VPS13C: variants seen among roughly 807,000 people sequenced by gnomAD.
VPS13C encodes the protein intermembrane lipid transfer protein VPS13C.
A neutral mutation model predicts 456.8 loss-of-function variants in VPS13C; 358 were observed. The ratio of observed to expected loss-of-function variants is 0.78; its 90% CI spans 0.72 to 0.86. VPS13C has a LOEUF of 0.86. Ranked by LOEUF, VPS13C falls within the 40% of genes least tolerant of loss-of-function variation. VPS13C has a pLI of 0.00. For synonymous variants in VPS13C, 1,578 were observed against 1,486.7 expected, an observed-to-expected ratio of 1.06 and a Z score of -1.41; for missense variants, 4,818 against 4,385.4, an observed-to-expected ratio of 1.10 and a Z score of -2.79.
intron 68 of VPS13C, 36 bp from the exon 69 acceptor site, chr15:61,882,772 T>C (rs768919426): frequency 2.6e-6 from 4 of 1,537,212 alleles, no homozygotes; most frequent in Non-Finnish European, 3.5e-6. Flanking sequence ...GATGAGCTGA[T>C]ATTAGCACAG....
At chr15:61,871,945 C>A in intron 79 of VPS13C, 44 bp downstream of exon 79, 1 of 1,548,802 alleles carries the variant, frequency 6.5e-7, no homozygotes, top group Non-Finnish European at 8.9e-7. Flanking sequence ...CTAATAGCAT[C>A]AAGTCTTCAG....
Position 62,028,377 on chromosome 15 carries a change from A to C in VPS13C, c.429T>G (p.Val143=), listed in dbSNP as rs1210610175. The C allele has an allele frequency of 6.2e-7, 1 of 1,612,944 alleles. No individual in the cohort carries two copies. Among genetic ancestry groups the C allele is most frequent in the Non-Finnish European group, 8.5e-7 (1 of 1,179,302 alleles). Residue 143 remains valine (V), a synonymous_variant, in exon 6 of 85, where the codon GTT becomes GTG. Transcript: ENST00000644861. ...ACCCACCAGGCTTGATGTCCTTGTAAACAAAGTTCTCCAAGCCATATATGA... is the reference window on the plus strand; with the variant it reads ...ACCCACCAGGCTTGATGTCCTTGTACACAAAGTTCTCCAAGCCATATATGA... ...GEFIYGLENF[V]YKDIKPGRKR... is the part of the protein sequence containing the mutation.
In VPS13C at chr15:61,909,136, A is replaced by T. The variant is rs77226264; in HGVS notation, c.8845-11T>A. On this transcript the variant is annotated splice_polypyrimidine_tract_variant and intron_variant, in intron 64 of 84. Coordinates refer to ENST00000644861, the MANE Select transcript of VPS13C (RefSeq NM_020821.3). ...CAAGATACCCCCATTCTATTGTAGA[A>T]AAAAAAAAAGTATGTTTGATGTACT... is the stretch of plus-strand genomic sequence containing the variant. 6.4e-6 allele frequency: 9 copies of T among 1,407,924 alleles called. No individual in the cohort carries two copies. Among genetic ancestry groups the T allele is most frequent in the Non-Finnish European group, 8.6e-6 (9 of 1,050,248 alleles). 87.2% of individuals were successfully genotyped at this position (1,407,924 alleles called of 1,614,324 possible).
At chr15:61,935,336 C>G (rs893921481) in intron 48 of VPS13C, 2 of 152,292 alleles carry the variant, frequency 1.3e-5, no homozygotes, top group Admixed American at 1.3e-4. Flanking sequence ...ATAGAACAGT[C>G]TGTTTTTACA....
At chr15:61,934,538 G>A (rs1567021258) in intron 48 of VPS13C, among the ~76,000 whole-genome samples, 1 of 152,010 alleles carries the variant, frequency 6.6e-6, no homozygotes, top group Non-Finnish European at 1.5e-5. Context: ...TAGCATATAT[G>A]TGCAAAGAGG....
At chr15:61,955,746 A>C (rs185039046) in intron 37 of VPS13C, among the ~76,000 whole-genome samples, 5 of 152,318 alleles carry the variant, frequency 3.3e-5, no homozygotes. Context: ...GAAATTAACA[A>C]ATTTTATTCA....
intron 81 of VPS13C, chr15:61,866,753 G>T: frequency 1.0e-6 from 1 of 984,922 alleles, no homozygotes; most frequent in Non-Finnish European, 1.2e-6. Context: ...CTGGTTTTTG[G>T]ATGTCAGTCT....
chr15:61,904,205 G>T (rs189366470), intron 66 of VPS13C, among the ~76,000 whole-genome samples: 3 of 151,760 alleles, frequency 2.0e-5, no homozygotes, highest in African/African-American at 4.8e-5. Flanking sequence ...CCGAAAGAGA[G>T]AAATTATTTG....
At chr15:61,886,513 A>G (rs1171616599) in intron 67 of VPS13C, among the ~76,000 whole-genome samples, 2 of 152,158 alleles carry the variant, frequency 1.3e-5, no homozygotes, top group African/African-American at 2.4e-5. Context: ...ATGCTGCAGA[A>G]CAATATGCAC....
intron 21 of VPS13C, among the ~76,000 whole-genome samples, chr15:61,981,886 T>G (rs1466869378): frequency 4.8e-5 from 7 of 145,822 alleles, no homozygotes; most frequent in Admixed American, 6.8e-5. Context: ...AAATAAAAAA[T>G]AAAAAAAAAA....
At chr15:61,947,422 T>C (rs1056917822) in intron 42 of VPS13C, 113 bp from the exon 43 acceptor site, 1 of 676,474 alleles carries the variant, frequency 1.5e-6, no homozygotes, top group East Asian at 3.0e-5. Flanking sequence ...GGAACCAAAA[T>C]GCCCTCCATT....
chr15:61,922,739 A>C lies in VPS13C; in HGVS notation c.6633T>G (p.Thr2211=). The change falls in exon 54 of 85, where the codon ACT becomes ACG. Residue 2211 remains threonine (T), a synonymous_variant. Transcript: ENST00000644861. ...ACAATGCAGCCATGATTGTCAACAC[A>C]GTATTAAGAATTATGGGTGAAATCT... The part of the protein sequence containing the change: ...IIKISPIILN[T]VLTIMAALSP... The C allele has an allele frequency of 6.3e-7, 1 of 1,593,844 alleles. No homozygotes were observed. Among genetic ancestry groups the C allele is most frequent in the Non-Finnish European group, 8.5e-7 (1 of 1,173,228 alleles).
At chr15:61,900,437 A>G (rs1252659531) in intron 66 of VPS13C, among the ~76,000 whole-genome samples, 3 of 152,218 alleles carry the variant, frequency 2.0e-5, no homozygotes, top group East Asian at 3.8e-4. Flanking sequence ...AAATCAATGT[A>G]CAAAAATCAC....
chr15:61,869,203 C>T (rs1403160937), intron 80 of VPS13C, among the ~76,000 whole-genome samples: 3 of 151,008 alleles, frequency 2.0e-5, no homozygotes, highest in East Asian at 1.9e-4. Flanking sequence ...CTGCAACCTC[C>T]GCCTCCTAGG....
intron 66 of VPS13C, among the ~76,000 whole-genome samples, chr15:61,892,925 T>A (rs1253028825): frequency 6.6e-6 from 1 of 152,046 alleles, no homozygotes; most frequent in Non-Finnish European, 1.5e-5. Flanking sequence ...AGACAGGCTA[T>A]TGGAAAATAC....
chr15:62,002,203 T>C (rs1474652337), intron 15 of VPS13C, among the ~76,000 whole-genome samples: 3 of 152,208 alleles, frequency 2.0e-5, no homozygotes, highest in Non-Finnish European at 4.4e-5. Flanking sequence ...GTTTTAATGA[T>C]CGCCATTCTA....
intron 66 of VPS13C, among the ~76,000 whole-genome samples, chr15:61,899,722 A>T (rs892779380): frequency 6.6e-6 from 1 of 151,284 alleles, no homozygotes; most frequent in African/African-American, 2.4e-5. Flanking sequence ...AAACTATTCC[A>T]ATCAACAGAA....
chr15:62,036,097 T>A (rs2047991153), intron 3 of VPS13C, among the ~76,000 whole-genome samples: 1 of 152,042 alleles, frequency 6.6e-6, no homozygotes, highest in African/African-American at 2.4e-5. Flanking sequence ...ACATAAAGTT[T>A]TACATGTTCC....
chr15:61,955,748 T>C (rs1339475935), intron 37 of VPS13C, among the ~76,000 whole-genome samples: 4 of 152,176 alleles, frequency 2.6e-5, no homozygotes, highest in African/African-American at 4.8e-5. Context: ...AATTAACAAA[T>C]TTTATTCATT....
Sources: gnomAD v4.1 joint callset for allele counts (sites outside exome capture counted in the v4.1 genomes callset) on GRCh38, gnomAD v4.1.1 for gene constraint, MANE v1.5 for transcripts, NCBI Gene and HGNC (gene_info 2026-07-23, HGNC 2026-07-21) for gene names.